The following ELOVL4 variants were observed in gnomAD, a reference collection of about 807,000 sequenced individuals.
ELOVL4 encodes the protein very long chain fatty acid elongase 4.
In ELOVL4, 18 loss-of-function variants were observed where a neutral mutation model predicts 42.1. That is an observed-to-expected ratio of 0.43 (90% confidence interval 0.30 to 0.63). The LOEUF is 0.63. Among genes scored for constraint, ELOVL4 ranks in the 30% least tolerant of loss-of-function variants. ELOVL4 has a pLI of 0.15. For missense variants in ELOVL4, 299 were observed against 376.2 expected, an observed-to-expected ratio of 0.79 and a Z score of 1.70; for synonymous variants, 117 against 127.0, an observed-to-expected ratio of 0.92 and a Z score of 0.53.
chr6:79,947,507 A>T lies in ELOVL4; in HGVS notation c.-228T>A. The T allele has an allele frequency of 1.8e-6, 1 of 561,734 alleles. No individual in the cohort carries two copies. Among genetic ancestry groups the T allele is most frequent in the Non-Finnish European group, 3.2e-6 (1 of 313,874 alleles). The allele number at this position is 561,734 out of a possible 1,614,324, so 34.8% of individuals were successfully genotyped here. A position where few individuals can be genotyped will look rare whatever the true frequency, so the allele number is the denominator to read the frequency against. On this transcript the variant is annotated 5_prime_UTR_variant, in exon 1 of 6. Transcript: ENST00000369816. ...CAAGGTTCCCGGGAGAAAGACGAGG[A>T]GGTGGAGGAGGCCCAGCCGCCAGCA...
At chr6:79,930,602 G>A (rs1231737677) in intron 1 of ELOVL4, among the ~76,000 whole-genome samples, 1 of 151,892 alleles carries the variant, frequency 6.6e-6, no homozygotes, top group East Asian at 1.9e-4. Flanking sequence ...TGTCACAATA[G>A]TGCCATACAA....
intron 1 of ELOVL4, among the ~76,000 whole-genome samples, chr6:79,930,566 GTTTCCTT>G (rs1365969194): frequency 1.3e-5 from 2 of 151,874 alleles, no homozygotes; most frequent in African/African-American, 4.8e-5. Context: ...TCTTTCATAT[GTTTCCTT>G]TTCCACTAAA....
chr6:79,925,231 T>C (rs1478329370), intron 2 of ELOVL4, among the ~76,000 whole-genome samples, 199 bp from the exon 3 acceptor site: 1 of 152,188 alleles, frequency 6.6e-6, no homozygotes, highest in Non-Finnish European at 1.5e-5. Context: ...AAAATCTAAA[T>C]TAAAAATCAC....
intron 1 of ELOVL4, among the ~76,000 whole-genome samples, chr6:79,946,552 A>G (rs575733461): frequency 1.3e-5 from 2 of 152,312 alleles, no homozygotes; most frequent in Non-Finnish European, 2.9e-5. Context: ...CATTATAGAC[A>G]ATCACTTCAA....
chr6:79,934,477 G>T (rs1298743430), intron 1 of ELOVL4, among the ~76,000 whole-genome samples: 1 of 152,040 alleles, frequency 6.6e-6, no homozygotes, highest in Non-Finnish European at 1.5e-5. Flanking sequence ...AGCACACATG[G>T]ATACCACGAC....
intron 1 of ELOVL4, among the ~76,000 whole-genome samples, chr6:79,934,416 C>G (rs1425451137): frequency 6.6e-6 from 1 of 151,900 alleles, no homozygotes; most frequent in Non-Finnish European, 1.5e-5. Flanking sequence ...ATAGTTACTT[C>G]ATAGGGTTAA....
intron 1 of ELOVL4, among the ~76,000 whole-genome samples, chr6:79,927,726 C>T (rs1467902714): frequency 6.6e-6 from 1 of 152,030 alleles, no homozygotes; most frequent in Admixed American, 6.6e-5. Context: ...GTGATAATGA[C>T]TTGAAAGAAA....
At chr6:79,923,531 C>T (rs1774292608) in intron 3 of ELOVL4, among the ~76,000 whole-genome samples, 1 of 152,160 alleles carries the variant, frequency 6.6e-6, no homozygotes, top group African/African-American at 2.4e-5. Context: ...AAGAAGTCAG[C>T]CCTCCAACTG....
intron 1 of ELOVL4, among the ~76,000 whole-genome samples, chr6:79,937,577 G>A (rs1317461272): frequency 6.6e-6 from 1 of 152,102 alleles, no homozygotes; most frequent in African/African-American, 2.4e-5. Context: ...AGGACTAAAT[G>A]TGATAATACA....
chr6:79,917,021 T>C, intron 5 of ELOVL4, 138 bp from the exon 6 acceptor site: 3 of 877,504 alleles, frequency 3.4e-6, no homozygotes, highest in South Asian at 3.1e-5. Context: ...CTGGCTCCCA[T>C]GGCTAGCTCC....
intron 1 of ELOVL4, among the ~76,000 whole-genome samples, chr6:79,928,108 A>G (rs1328105336): frequency 6.6e-6 from 1 of 152,062 alleles, no homozygotes; most frequent in Non-Finnish European, 1.5e-5. Context: ...CTTTTTCTAT[A>G]TTATAGAAAA....
chr6:79,931,184 CTAT>C (rs958801915), intron 1 of ELOVL4, among the ~76,000 whole-genome samples: 6 of 152,048 alleles, frequency 3.9e-5, no homozygotes, highest in Non-Finnish European at 7.4e-5. Flanking sequence ...ATATTTTATA[CTAT>C]TAATATGCTT....
At chr6:79,927,355 G>A (rs150311552) in intron 1 of ELOVL4, among the ~76,000 whole-genome samples, 404 of 152,038 alleles carry the variant, frequency 2.7e-3, no homozygotes, top group African/African-American at 9.2e-3. Context: ...ATTTTATGTC[G>A]TATTTTGAAG....
chr6:79,927,704 TG>T (rs1211574848), intron 1 of ELOVL4, among the ~76,000 whole-genome samples: 1 of 151,822 alleles, frequency 6.6e-6, no homozygotes, highest in African/African-American at 2.4e-5. Context: ...ACTCGAGATA[TG>T]GGAAAAAAAG....
In ELOVL4 at chr6:79,915,821, T is replaced by A. The variant is rs753760882; in HGVS notation, c.*787A>T. ...ATGTTACTAATAAAGACATGAGTTG[T>A]TTCATGTTTCAATCAGACAATAATC... On this transcript the variant is annotated 3_prime_UTR_variant, in exon 6 of 6. Coordinates refer to ENST00000369816, the MANE Select transcript of ELOVL4 (RefSeq NM_022726.4). The A allele has an allele frequency of 6.6e-6, 1 of 152,556 alleles. No homozygotes were observed. Among genetic ancestry groups the A allele is most frequent in the Admixed American group, 6.5e-5 (1 of 15,272 alleles). 9.5% of individuals were successfully genotyped at this position (152,556 alleles called of 1,614,324 possible).
intron 3 of ELOVL4, among the ~76,000 whole-genome samples, chr6:79,922,140 C>T (rs1774269717): frequency 6.6e-6 from 1 of 152,148 alleles, no homozygotes; most frequent in East Asian, 1.9e-4. Flanking sequence ...AAGATGTTTA[C>T]TTTGTAAAAT....
In ELOVL4 at chr6:79,916,593, A is replaced by C; in HGVS notation, c.*15T>G. 1 of 1,613,180 alleles carries C rather than the reference A, an allele frequency of 6.2e-7. No homozygotes were observed. The highest frequency in any genetic ancestry group is 1.3e-5 in the African/African-American group (1 of 75,012). On this transcript the variant is annotated 3_prime_UTR_variant, in exon 6 of 6. Coordinates refer to ENST00000369816, the MANE Select transcript of ELOVL4 (RefSeq NM_022726.4). The stretch of plus-strand genomic sequence containing the variant: ...TTTTTCCTCACTGTCAACAACAGTT[A>C]AGGCCCAGTTCAATTTAATCTCCTT...
intron 4 of ELOVL4, 60 bp from the exon 5 acceptor site, chr6:79,919,607 T>A: frequency 6.9e-7 from 1 of 1,447,904 alleles, no homozygotes; most frequent in Non-Finnish European, 9.7e-7. Flanking sequence ...AGTAAGCCAC[T>A]GAGATGTACA....
In ELOVL4 at chr6:79,947,384, C is replaced by T. The variant is rs980409559; in HGVS notation, c.-105G>A. The T allele has an allele frequency of 1.2e-5, 10 of 863,344 alleles. No individual in the cohort carries two copies. Among genetic ancestry groups the T allele is most frequent in the African/African-American group, 1.7e-5 (1 of 60,074 alleles). The allele number at this position is 863,344 out of a possible 1,614,324, so 53.5% of individuals were successfully genotyped here. ...ACGGGGCGAGCGGCGGCCGGGAACC[C>T]CTCTAACGGCGGCGGCCCGGCTGCG... On this transcript the variant is annotated 5_prime_UTR_variant, in exon 1 of 6. Transcript: ENST00000369816.
Sources: allele counts gnomAD v4.1 joint callset (sites outside exome capture counted in the v4.1 genomes callset), GRCh38; gene constraint gnomAD v4.1.1; transcripts MANE v1.5; gene names NCBI Gene and HGNC (gene_info 2026-07-23, HGNC 2026-07-21).